Variants in PRRC2B observed in about 807,000 individuals in gnomAD.
The protein encoded by PRRC2B is proline rich coiled-coil 2B.
PRRC2B carries 68 observed loss-of-function variants against 242.3 expected under a neutral mutation model. The observed-to-expected ratio is 0.28, with a 90% CI of 0.23 to 0.34. The LOEUF is 0.34. Ranked by LOEUF, PRRC2B falls within the 10% of genes least tolerant of loss-of-function variation. The pLI, the probability that PRRC2B is intolerant of heterozygous loss-of-function variation, is 1.00. For synonymous variants in PRRC2B, 1,228 were observed against 1,173.6 expected (o/e 1.05, Z -0.95); for missense variants, 2,835 against 2,954.8 (o/e 0.96, Z 0.94).
intron 1 of PRRC2B, among the ~76,000 whole-genome samples, chr9:131,404,591 T>TG (rs1837315447): frequency 1.6e-5 from 1 of 64,452 alleles, no homozygotes; most frequent in Non-Finnish European, 4.4e-5. Flanking sequence ...CCACTCTCTC[T>TG]GAAAAAAAAA....
At chr9:131,423,448 G>A (rs1364411823) in intron 1 of PRRC2B, among the ~76,000 whole-genome samples, 1 of 152,216 alleles carries the variant, frequency 6.6e-6, no homozygotes. Context: ...TGCTAACAGC[G>A]CCCTGGCCTG....
intron 28 of PRRC2B, chr9:131,490,587 C>G (rs1283514364): frequency 3.9e-6 from 2 of 518,916 alleles, no homozygotes; most frequent in Non-Finnish European, 3.8e-6. Context: ...AGTGGCCCAG[C>G]CCCCCTACCC....
rs112213593 is a variant in PRRC2B, at chr9:131,382,642, C to CT, written c.-56+8923dup. Among the ~76,000 whole-genome samples, 1,302 of 144,566 alleles carry CT rather than the reference C, an allele frequency of 9.0e-3. 19 individuals carry two copies. Among genetic ancestry groups the CT allele is most frequent in the African/African-American group, 0.03 (1,176 of 39,720 alleles). 94.8% of individuals were successfully genotyped at this position (144,566 alleles called of 152,430 possible). On this transcript the variant is annotated intron_variant, in intron 1 of 1. Coordinates refer to the PRRC2B transcript ENST00000682525. ...TATTTTTAGCTCCAGGCCCCCATTC[C>CT]TTTTTTTTTTTTGGAGACAGAGTCT... is the stretch of plus-strand genomic sequence containing the variant.
At chr9:131,430,902 G>A (rs1397811460) in intron 2 of PRRC2B, among the ~76,000 whole-genome samples, 1 of 151,088 alleles carries the variant, frequency 6.6e-6, no homozygotes, top group Non-Finnish European at 1.5e-5. Context: ...CAAAGCTGTG[G>A]ATTTTTATCC....
chr9:131,495,010 C>T (rs543914906), intron 31 of PRRC2B, among the ~76,000 whole-genome samples: 19 of 152,286 alleles, frequency 1.2e-4, no homozygotes, highest in African/African-American at 3.1e-4. Flanking sequence ...GCCCCTCAGA[C>T]GTGGGTTTTT....
At chr9:131,390,541 G>C (rs1294070128), upstream of PRRC2B, among the ~76,000 whole-genome samples, 1 of 133,278 alleles carries the variant, frequency 7.5e-6, no homozygotes, top group African/African-American at 2.8e-5. Context: ...GGAGTGCAGT[G>C]GTGTGATCTC....
At chr9:131,387,712 C>T (rs1836843381) in intron 1 of PRRC2B, among the ~76,000 whole-genome samples, 1 of 127,436 alleles carries the variant, frequency 7.8e-6, no homozygotes, top group Non-Finnish European at 1.7e-5. Context: ...GCTCACTGCC[C>T]CTGTGCCACC....
At chr9:131,459,735 T>G (rs1206911042) in intron 11 of PRRC2B, among the ~76,000 whole-genome samples, 1 of 151,566 alleles carries the variant, frequency 6.6e-6, no homozygotes, top group African/African-American at 2.4e-5. Flanking sequence ...GACGAGGTCT[T>G]ACTATGTTGC....
intron 1 of PRRC2B, among the ~76,000 whole-genome samples, chr9:131,403,646 C>T (rs1159443687): frequency 3.6e-5 from 5 of 140,194 alleles, no homozygotes; most frequent in African/African-American, 5.4e-5. Context: ...TGAGCCACTG[C>T]GCCTGGCCCA....
chr9:131,416,477 A>G (rs371233649), intron 1 of PRRC2B, among the ~76,000 whole-genome samples: 2 of 152,182 alleles, frequency 1.3e-5, no homozygotes, highest in African/African-American at 2.4e-5. Flanking sequence ...TGGAGTTCCC[A>G]TATAGCCTAC....
chr9:131,382,173 C>T (rs150247708), intron 1 of PRRC2B, among the ~76,000 whole-genome samples: 81 of 152,202 alleles, frequency 5.3e-4, no homozygotes, highest in African/African-American at 1.9e-3. Flanking sequence ...TCCGCCACCA[C>T]GCCCGGCTAA....
rs77437552 is a variant in PRRC2B at position 131,421,000 on chromosome 9, G to A, written c.-51-9094G>A. Among the ~76,000 whole-genome samples the A allele has an allele frequency of 9.7e-3, 1,471 of 152,284 alleles. 32 individuals carry two copies. Among genetic ancestry groups the A allele is most frequent in the African/African-American group, 0.034 (1,393 of 41,546 alleles). On this transcript the variant is annotated intron_variant, in intron 1 of 31. Coordinates refer to ENST00000683519, the MANE Select transcript of PRRC2B (RefSeq NM_013318.4). The stretch of plus-strand genomic sequence containing the variant: ...CCAGAAGGCAGCAAACTGCAACCCC[G>A]ATTGCAGCCCACCTCCTGTTTTTGT...
Position 131,495,814 on chromosome 9 carries a change from G to C in PRRC2B, c.6630G>C (p.Gln2210His), listed in dbSNP as rs762080999. ...KLQEAPSAAS[Q>H]MKRTGAIKPR... is the part of the protein sequence containing the mutation. ...AGGAGGCCCCCTCGGCTGCCTCCCA[G>C]ATGAAGCGAACCGGAGCGATCAAGC... is the stretch of plus-strand genomic sequence containing the variant. Residue 2210 changes from glutamine to histidine, a missense_variant, in exon 32 of 32, where the codon CAG (glutamine) becomes CAC (histidine). Physicochemically the swap from Gln to His is conservative, Grantham distance 24. Coordinates refer to ENST00000683519, the MANE Select transcript of PRRC2B (RefSeq NM_013318.4). The C allele has an allele frequency of 6.2e-7, 1 of 1,613,352 alleles. No individual in the cohort carries two copies. Among genetic ancestry groups the C allele is most frequent in the African/African-American group, 1.3e-5 (1 of 75,066 alleles).
intron 29 of PRRC2B, 119 bp from the exon 30 acceptor site, chr9:131,492,050 A>G: frequency 1.3e-6 from 1 of 767,454 alleles, no homozygotes. Context: ...GCTCTATAAG[A>G]TGCCTCCCTG....
At chr9:131,395,635 G>C (rs1837030277) in intron 1 of PRRC2B, among the ~76,000 whole-genome samples, 1 of 152,200 alleles carries the variant, frequency 6.6e-6, no homozygotes, top group Non-Finnish European at 1.5e-5. Flanking sequence ...CTGCTGTCAA[G>C]TCCTAGGACA....
At chr9:131,463,022 G>A (rs183017878) in intron 11 of PRRC2B, among the ~76,000 whole-genome samples, 5 of 152,084 alleles carry the variant, frequency 3.3e-5, no homozygotes, top group Admixed American at 6.5e-5. Flanking sequence ...AGGGCTAGGC[G>A]TGAAGGCTAT....
chr9:131,424,859 T>C (rs772076739), intron 1 of PRRC2B, among the ~76,000 whole-genome samples: 23 of 152,188 alleles, frequency 1.5e-4, no homozygotes, highest in Non-Finnish European at 2.5e-4. Context: ...TTAATATTTG[T>C]TGGGTGGTTG....
chr9:131,378,000 C>T (rs1211852616), intron 1 of PRRC2B, among the ~76,000 whole-genome samples: 1 of 152,162 alleles, frequency 6.6e-6, no homozygotes, highest in African/African-American at 2.4e-5. Flanking sequence ...AAGCGATCTT[C>T]CTACCTTGGC....
chr9:131,377,638 G>A (rs957936258), intron 1 of PRRC2B, among the ~76,000 whole-genome samples: 2 of 152,166 alleles, frequency 1.3e-5, no homozygotes, highest in African/African-American at 4.8e-5. Context: ...CAGTGCCCAG[G>A]TCCTGGGACG....
Sources: gnomAD v4.1 joint callset for allele counts (sites outside exome capture counted in the v4.1 genomes callset) on GRCh38, gnomAD v4.1.1 for gene constraint, MANE v1.5 for transcripts, NCBI Gene and HGNC (gene_info 2026-07-23, HGNC 2026-07-21) for gene names.